KPNA3: variants seen among roughly 807,000 people sequenced by gnomAD.
KPNA3 encodes the protein karyopherin subunit alpha 3.
A neutral mutation model predicts 73.8 loss-of-function variants in KPNA3; 13 were observed. The observed-to-expected ratio is 0.18, with a 90% CI of 0.11 to 0.28. The LOEUF is 0.28. Ranked by LOEUF, KPNA3 falls within the 10% of genes least tolerant of loss-of-function variation. The pLI is 1.00. For synonymous variants in KPNA3, 186 were observed against 206.9 expected (o/e 0.90, Z 0.87); for missense variants, 360 against 618.1 (o/e 0.58, Z 4.43).
chr13:49,708,624 G>A (rs977691650), intron 12 of KPNA3, among the ~76,000 whole-genome samples: 5 of 152,120 alleles, frequency 3.3e-5, no homozygotes, highest in Non-Finnish European at 5.9e-5. Flanking sequence ...GGAAACAACC[G>A]AAGTGTCCAT....
chr13:49,780,686 A>C (rs529114608), intron 1 of KPNA3, among the ~76,000 whole-genome samples: 2 of 151,232 alleles, frequency 1.3e-5, no homozygotes, highest in South Asian at 4.2e-4. Flanking sequence ...CCAAATTTCA[A>C]ATTACTCCAC....
intron 10 of KPNA3, among the ~76,000 whole-genome samples, chr13:49,713,138 C>A (rs1410365094): frequency 6.6e-6 from 1 of 151,816 alleles, no homozygotes; most frequent in East Asian, 1.9e-4. Flanking sequence ...AGGTTGTAAC[C>A]CTGTTAAAAG....
chr13:49,730,577 GGTAGAA>G (rs1419394503), intron 6 of KPNA3, among the ~76,000 whole-genome samples: 1 of 140,194 alleles, frequency 7.1e-6, no homozygotes, highest in African/African-American at 2.6e-5. Context: ...GGGTCCTAAA[GGTAGAA>G]GTAGAATAGA....
Position 49,721,963 on chromosome 13 carries a change from C to T in KPNA3, c.718G>A (p.Val240Ile). The change falls in exon 9 of 17, where the codon GTT becomes ATT. Residue 240 changes from valine (V) to isoleucine (I), a missense_variant. Physicochemically the swap from Val to Ile is conservative, Grantham distance 29. Coordinates refer to ENST00000261667, the MANE Select transcript of KPNA3 (RefSeq NM_002267.4). ...TACAATTCTTCATTTACCTCCTGAA[C>T]TGTCTCCATAGGCGGCGGGGGATCC... The part of the protein sequence containing the change: ...NKDPPPPMET[V>I]QEILPALCVL... The T allele has an allele frequency of 2.5e-6, 4 of 1,574,104 alleles. No individual in the cohort carries two copies. The highest frequency in any genetic ancestry group is 3.4e-6 in the Non-Finnish European group (4 of 1,161,218).
intron 1 of KPNA3, among the ~76,000 whole-genome samples, chr13:49,762,640 C>A (rs1954776792): frequency 6.6e-6 from 1 of 152,020 alleles, no homozygotes; most frequent in Admixed American, 6.6e-5. Context: ...GCAAGATGTG[C>A]TTTGTTAAAC....
intron 2 of KPNA3, among the ~76,000 whole-genome samples, chr13:49,741,245 C>T (rs1291789669): frequency 1.3e-5 from 2 of 152,182 alleles, no homozygotes; most frequent in African/African-American, 2.4e-5. Flanking sequence ...AATTTACATT[C>T]TGACCAAGAG....
At chr13:49,753,041 A>G (rs1189210900) in intron 1 of KPNA3, among the ~76,000 whole-genome samples, 9 of 108,098 alleles carry the variant, frequency 8.3e-5, no homozygotes, top group Non-Finnish European at 8.0e-5. Context: ...AAAAAAAAAA[A>G]AAAAAAAAAA....
chr13:49,711,068 T>C (rs576166180), intron 10 of KPNA3, 46 bp from the exon 11 acceptor site: 8 of 1,556,584 alleles, frequency 5.1e-6, no homozygotes, highest in Admixed American at 2.0e-5. Flanking sequence ...TTTGTTTGAA[T>C]GCTTTACTTG....
chr13:49,747,622 G>A (rs1954629951), intron 1 of KPNA3, among the ~76,000 whole-genome samples: 1 of 152,182 alleles, frequency 6.6e-6, no homozygotes, highest in African/African-American at 2.4e-5. Context: ...GGAGACGGAG[G>A]TTGAAGTGAG....
intron 6 of KPNA3, among the ~76,000 whole-genome samples, chr13:49,727,075 T>C (rs1954416630): frequency 6.6e-6 from 1 of 151,988 alleles, no homozygotes; most frequent in African/African-American, 2.4e-5. Context: ...TCAGCAAAAA[T>C]TAAGATTAGA....
rs140385606 is a variant in KPNA3, at chr13:49,699,866, C to T, written c.*1934G>A. ...ATTCCTACTTTTAGCGAACACCACA[C>T]AGTTTCAAAAATTTAGACTATAGTG... On this transcript the variant is annotated 3_prime_UTR_variant, in exon 17 of 17. Transcript: ENST00000261667. The T allele has an allele frequency of 1.9e-3, 290 of 152,616 alleles. No homozygotes were observed. Among genetic ancestry groups the T allele is most frequent in the Non-Finnish European group, 4.6e-4 (31 of 68,002 alleles). 9.5% of individuals were successfully genotyped at this position (152,616 alleles called of 1,614,324 possible).
intron 1 of KPNA3, among the ~76,000 whole-genome samples, chr13:49,762,340 C>T (rs1223522374): frequency 6.6e-6 from 1 of 152,190 alleles, no homozygotes; most frequent in Non-Finnish European, 1.5e-5. Context: ...CCCCTCTGCC[C>T]GGCCACCACT....
intron 2 of KPNA3, among the ~76,000 whole-genome samples, chr13:49,746,200 C>T (rs776185493): frequency 2.0e-5 from 3 of 152,048 alleles, no homozygotes; most frequent in East Asian, 1.9e-4. Context: ...TGGCAGCTCA[C>T]GCCCGTAATC....
intron 7 of KPNA3, among the ~76,000 whole-genome samples, chr13:49,725,091 G>A (rs1047403941): frequency 6.6e-5 from 10 of 152,230 alleles, no homozygotes; most frequent in African/African-American, 2.4e-4. Flanking sequence ...CCATCTTGAG[G>A]AAAGTAAAAT....
chr13:49,714,665 G>T (rs1954289056), intron 10 of KPNA3, among the ~76,000 whole-genome samples: 4 of 151,984 alleles, frequency 2.6e-5, no homozygotes, highest in Admixed American at 2.0e-4. Context: ...TTGTTCCAGA[G>T]TACAGAAAAT....
intron 1 of KPNA3, among the ~76,000 whole-genome samples, chr13:49,751,128 G>C (rs1463384972): frequency 6.6e-6 from 1 of 152,220 alleles, no homozygotes; most frequent in Admixed American, 6.5e-5. Flanking sequence ...GGCTGGAAGA[G>C]AGATGGTTTA....
At chr13:49,724,217 T>A (rs1954387049) in intron 7 of KPNA3, among the ~76,000 whole-genome samples, 4 of 152,240 alleles carry the variant, frequency 2.6e-5, no homozygotes. Context: ...ATAACATTGC[T>A]GTGAATATTT....
At chr13:49,708,900 A>T (rs1954232991) in intron 12 of KPNA3, among the ~76,000 whole-genome samples, 2 of 152,230 alleles carry the variant, frequency 1.3e-5, no homozygotes, top group South Asian at 4.1e-4. Flanking sequence ...TTTGGGTCCA[A>T]ACTAATTTTG....
At chr13:49,761,423 T>C (rs958864387) in intron 1 of KPNA3, among the ~76,000 whole-genome samples, 8 of 152,274 alleles carry the variant, frequency 5.3e-5, no homozygotes, top group Non-Finnish European at 8.8e-5. Flanking sequence ...ATTTTTTTGG[T>C]GGAGACGGGG....
Sources: gnomAD v4.1 joint callset for allele counts (sites outside exome capture counted in the v4.1 genomes callset) on GRCh38, gnomAD v4.1.1 for gene constraint, MANE v1.5 for transcripts, NCBI Gene and HGNC (gene_info 2026-07-23, HGNC 2026-07-21) for gene names.